GLRA2: variants seen among roughly 807,000 people sequenced by gnomAD.
GLRA2 encodes the protein glycine receptor alpha 2.
Under a neutral mutation model 31.6 loss-of-function variants are expected in GLRA2, and 11 were observed. The observed-to-expected ratio is 0.35, with a 90% CI of 0.22 to 0.58. The LOEUF (loss-of-function observed/expected upper bound fraction) is 0.58, where lower values mean the gene tolerates loss of function less well. GLRA2 is among the 20% of genes least tolerant of loss of function. The probability of loss-of-function intolerance (pLI) is 0.84; values close to 1 mark genes in which losing one functional copy is unlikely to be tolerated. For synonymous variants in GLRA2, 132 were observed against 134.0 expected, an observed-to-expected ratio of 0.99 and a Z score of 0.10; for missense variants, 212 against 351.8, an observed-to-expected ratio of 0.60 and a Z score of 3.18.
chrX:14,455,305 C>T, the GLRA2 span, among the ~76,000 whole-genome samples: 43 of 111,789 alleles, frequency 3.8e-4, no homozygotes, highest in African/African-American at 9.4e-4. Context: ...TTATAGTCTA[C>T]GTGTCAAGCC....
At position 14,586,396 on chromosome X, in the gene GLRA2, ACT is replaced by A. The variant is rs771560073; in HGVS notation, c.494+4995_494+4996del. On this transcript the variant is annotated intron_variant, in intron 4 of 8. Transcript: ENST00000218075. ...TATTCATTCTCTAATGTTTTATCTT[ACT>A]CTCTGTTTTTTCCTAAGTTGTTTGT... Among the ~76,000 whole-genome samples, 41 of 111,879 alleles carry A rather than the reference ACT, an allele frequency of 3.7e-4. No individual in the cohort carries two copies. The East Asian group carries it at 7.0e-3, about 19-fold the overall frequency.
intron 8 of GLRA2, among the ~76,000 whole-genome samples, chrX:14,725,309 C>T (rs2091917014): frequency 8.9e-6 from 1 of 111,830 alleles, no homozygotes; most frequent in Non-Finnish European, 1.9e-5. Context: ...CCTCTTATAT[C>T]CAGGTCTGTG....
intron 2 of GLRA2, among the ~76,000 whole-genome samples, chrX:14,572,191 G>A (rs1355463024): frequency 4.5e-5 from 5 of 112,201 alleles, no homozygotes; most frequent in Admixed American, 9.4e-5. Context: ...AATATATAAT[G>A]GTATGACCCA....
At chrX:14,622,786 G>A (rs373145880) in intron 7 of GLRA2, among the ~76,000 whole-genome samples, 23 of 111,733 alleles carry the variant, frequency 2.1e-4, no homozygotes, top group East Asian at 5.6e-4. Context: ...GTCAGGTAGC[G>A]TGATGCCTCC....
chrX:14,530,261 A>C, intron 1 of GLRA2, 136 bp downstream of exon 1: 1 of 475,527 alleles, frequency 2.1e-6, no homozygotes, highest in Non-Finnish European at 3.6e-6. Flanking sequence ...TTGTTCATTT[A>C]AAACGCCTAA....
At chrX:14,691,332 TGC>T (rs1569523064) in intron 8 of GLRA2, among the ~76,000 whole-genome samples, 7 of 71,282 alleles carry the variant, frequency 9.8e-5, no homozygotes, top group African/African-American at 3.0e-4. Flanking sequence ...TGTGCGCGCG[TGC>T]GTGCGTGTAC....
chrX:14,540,659 G>A (rs2089389279), intron 2 of GLRA2, among the ~76,000 whole-genome samples: 1 of 111,134 alleles, frequency 9.0e-6, no homozygotes, highest in African/African-American at 3.3e-5. Context: ...CAACACTGAT[G>A]ACAAATTTAG....
chrX:14,555,933 C>T (rs886595776), intron 2 of GLRA2, among the ~76,000 whole-genome samples: 1 of 111,473 alleles, frequency 9.0e-6, no homozygotes, highest in Non-Finnish European at 1.9e-5. Context: ...TACAGTGAAT[C>T]GGGTAAAATC....
chrX:14,599,861 G>A (rs978069361), intron 4 of GLRA2, among the ~76,000 whole-genome samples: 1 of 111,754 alleles, frequency 8.9e-6, no homozygotes, highest in Non-Finnish European at 1.9e-5. Context: ...GCCTTTAGAT[G>A]CACGGTAGAC....
chrX:14,653,716 T>C (rs1170135405), intron 7 of GLRA2, among the ~76,000 whole-genome samples: 1 of 112,645 alleles, frequency 8.9e-6, no homozygotes, highest in African/African-American at 3.2e-5. Context: ...GAATCCAATT[T>C]TGAAAGAAGT....
chrX:14,459,031 T>C, the GLRA2 span, among the ~76,000 whole-genome samples: 1 of 112,101 alleles, frequency 8.9e-6, no homozygotes, highest in African/African-American at 3.2e-5. Context: ...CTTTAATCCA[T>C]CTTGAATTAA....
At chrX:14,491,767 T>C in the GLRA2 span, among the ~76,000 whole-genome samples, 9 of 111,117 alleles carry the variant, frequency 8.1e-5, no homozygotes, top group African/African-American at 2.6e-4. Context: ...TCCTAGAGGA[T>C]TGTAGTTGGG....
chrX:14,534,189 T>A (rs2089293258), intron 2 of GLRA2, among the ~76,000 whole-genome samples: 1 of 104,535 alleles, frequency 9.6e-6, no homozygotes, highest in Non-Finnish European at 2.0e-5. Flanking sequence ...GAGGAGAATG[T>A]CAGGTTCAGC....
Position 14,672,789 on chromosome X carries a change from C to T in GLRA2, c.931-17921C>T, listed in dbSNP as rs184837514. 3.8e-4 allele frequency among the ~76,000 whole-genome samples: 42 copies of T among 111,830 alleles called. 2 individuals are homozygous for T. Among genetic ancestry groups the T allele is most frequent in the Admixed American group, 2.7e-3 (29 of 10,564 alleles). ...TCTCCTCCCCACATGGAACCTGGAG[C>T]GTGGTGGATGCCTGGAATTTTTCCA... On this transcript the variant is annotated intron_variant, in intron 7 of 8. Transcript: ENST00000218075.
intron 7 of GLRA2, among the ~76,000 whole-genome samples, chrX:14,654,744 C>T (rs751050615): frequency 4.5e-5 from 5 of 111,645 alleles, no homozygotes; most frequent in Non-Finnish European, 3.8e-5. Flanking sequence ...CATTTTCACA[C>T]TGCTGATAAA....
intron 7 of GLRA2, among the ~76,000 whole-genome samples, chrX:14,670,651 A>G (rs979949219): frequency 3.2e-4 from 35 of 110,987 alleles, no homozygotes; most frequent in African/African-American, 1.1e-3. Flanking sequence ...TATCATGACA[A>G]CAGCACGGGA....
At chrX:14,660,124 T>G (rs1413266362) in intron 7 of GLRA2, among the ~76,000 whole-genome samples, 1 of 110,909 alleles carries the variant, frequency 9.0e-6, no homozygotes, top group Non-Finnish European at 1.9e-5. Flanking sequence ...TTAGAAAGAG[T>G]TAAGTGCTGT....
intron 7 of GLRA2, among the ~76,000 whole-genome samples, chrX:14,665,661 A>G (rs1330815084): frequency 1.8e-5 from 2 of 112,043 alleles, no homozygotes; most frequent in Admixed American, 9.5e-5. Context: ...TAGGTTATCA[A>G]TGATCAAAGA....
chrX:14,488,912 TATTC>T, the GLRA2 span, among the ~76,000 whole-genome samples: 1 of 112,167 alleles, frequency 8.9e-6, no homozygotes, highest in South Asian at 3.7e-4. Context: ...ATTTCTTTAT[TATTC>T]ATTCATTTTT....
Sources: allele counts gnomAD v4.1 joint callset (sites outside exome capture counted in the v4.1 genomes callset), GRCh38; gene constraint gnomAD v4.1.1; transcripts MANE v1.5; gene names NCBI Gene and HGNC (gene_info 2026-07-23, HGNC 2026-07-21).